The following SV2C variants were observed in gnomAD, a reference collection of about 807,000 sequenced individuals.
SV2C encodes the protein solute carrier family 22 member B3.
SV2C carries 49 observed loss-of-function variants against 79.7 expected under a neutral mutation model. The observed-to-expected ratio is 0.61, with a 90% CI of 0.49 to 0.78. The LOEUF (loss-of-function observed/expected upper bound fraction) is 0.78, where lower values mean the gene tolerates loss of function less well. Ranked by LOEUF, SV2C falls within the 30% of genes least tolerant of loss-of-function variation. SV2C has a pLI of 0.00. For synonymous variants in SV2C, 334 were observed against 333.2 expected (o/e 1.00, Z -0.03); for missense variants, 833 against 912.9 (o/e 0.91, Z 1.13).
chr5:75,939,242 TTC>T, the SV2C span, among the ~76,000 whole-genome samples: 1 of 152,132 alleles, frequency 6.6e-6, no homozygotes, highest in South Asian at 2.1e-4. Context: ...AGGTGTTTAT[TTC>T]TCATAGTTCT....
intron 2 of SV2C, among the ~76,000 whole-genome samples, chr5:76,182,187 T>A (rs1198188232): frequency 6.6e-6 from 1 of 152,220 alleles, no homozygotes; most frequent in African/African-American, 2.4e-5. Flanking sequence ...TTGCCTGCTC[T>A]GCCCTATCCT....
At chr5:76,090,116 A>G (rs1747326188) in intron 1 of SV2C, among the ~76,000 whole-genome samples, 1 of 152,194 alleles carries the variant, frequency 6.6e-6, no homozygotes, top group African/African-American at 2.4e-5. Context: ...TCAGCTATGC[A>G]GTTACAAAAG....
chr5:76,340,125 T>C lies in SV2C; in HGVS notation c.2001-13005T>C, dbSNP rs184634228. ...CAGAAAGACACTCCCTCCAGCGCCA[T>C]GACAGTTTACAAATGCAATGGCAAT... On this transcript the variant is annotated intron_variant, in intron 12 of 12. Coordinates refer to the SV2C transcript ENST00000322285. 2.2e-4 allele frequency among the ~76,000 whole-genome samples: 33 copies of C among 152,320 alleles called. No homozygotes were observed. In the East Asian group the frequency reaches 2.5e-3, roughly 12 times the overall value.
chr5:76,284,584 C>A (rs13188781), intron 4 of SV2C, among the ~76,000 whole-genome samples: 14,620 of 152,206 alleles, frequency 0.096, 721 homozygotes, highest in Admixed American at 0.14. Context: ...CAGACCCTGA[C>A]AAGAGCTGTG....
chr5:76,179,073 GCT>G (rs1195645658), intron 2 of SV2C, among the ~76,000 whole-genome samples: 1 of 152,176 alleles, frequency 6.6e-6, no homozygotes, highest in Admixed American at 6.5e-5. Flanking sequence ...TAGGACTGAT[GCT>G]TATGAAATGC....
At chr5:75,901,498 G>C in the SV2C span, among the ~76,000 whole-genome samples, 2,627 of 152,258 alleles carry the variant, frequency 0.017, 60 homozygotes, top group African/African-American at 0.057. Context: ...TGCCCCTACT[G>C]GGGGGTGCCT....
chr5:76,254,268 A>G (rs1247396963), intron 4 of SV2C, among the ~76,000 whole-genome samples: 8 of 151,696 alleles, frequency 5.3e-5, no homozygotes. Context: ...AGAGAGAGAG[A>G]GAGAGATATT....
intron 1 of SV2C, among the ~76,000 whole-genome samples, chr5:76,126,294 C>A (rs41436450): frequency 0.039 from 5,884 of 152,190 alleles, 324 homozygotes; most frequent in African/African-American, 0.12. Flanking sequence ...GTGATTTTTG[C>A]ACTGCACCTT....
chr5:76,236,517 G>T (rs552322113), intron 4 of SV2C, among the ~76,000 whole-genome samples: 1 of 151,812 alleles, frequency 6.6e-6, no homozygotes, highest in Admixed American at 6.6e-5. Flanking sequence ...ATCCAAGATC[G>T]CATCACTGCA....
the SV2C span, among the ~76,000 whole-genome samples, chr5:75,917,718 A>C: frequency 3.3e-3 from 503 of 152,250 alleles, 1 homozygote; most frequent in African/African-American, 9.8e-3. Flanking sequence ...TAGGTACCCC[A>C]AAAAAATAGA....
chr5:76,123,318 T>C (rs973039624), intron 1 of SV2C, among the ~76,000 whole-genome samples: 2 of 152,194 alleles, frequency 1.3e-5, no homozygotes, highest in African/African-American at 2.4e-5. Context: ...ACTGGCACCA[T>C]TTCTTCTGAA....
chr5:76,141,665 A>C (rs1181518361), intron 2 of SV2C, among the ~76,000 whole-genome samples: 1 of 151,700 alleles, frequency 6.6e-6, no homozygotes, highest in Non-Finnish European at 1.5e-5. Context: ...CTCTACTAAA[A>C]ATACAAAAAT....
the SV2C span, among the ~76,000 whole-genome samples, chr5:76,048,021 A>C: frequency 1.3e-5 from 2 of 152,154 alleles, no homozygotes; most frequent in Non-Finnish European, 2.9e-5. Flanking sequence ...CAAAAGTGAT[A>C]ATTGAGGTAA....
chr5:75,878,953 G>A, the SV2C span, among the ~76,000 whole-genome samples: 66 of 152,342 alleles, frequency 4.3e-4, 1 homozygote, highest in African/African-American at 1.3e-3. Context: ...AATCACGGCA[G>A]AAGGTGAAGG....
At chr5:75,954,847 G>T in the SV2C span, among the ~76,000 whole-genome samples, 2 of 131,002 alleles carry the variant, frequency 1.5e-5, no homozygotes, top group Admixed American at 7.4e-5. Flanking sequence ...GGGATGTGAA[G>T]GACCTCTTCA....
intron 1 of SV2C, among the ~76,000 whole-genome samples, chr5:76,102,747 C>T (rs551232468): frequency 1.3e-5 from 2 of 152,258 alleles, no homozygotes; most frequent in African/African-American, 4.8e-5. Context: ...TATAAAGACT[C>T]GTTTGGCTTA....
At chr5:76,336,846 A>T (rs1307296731), downstream of SV2C, among the ~76,000 whole-genome samples, 2 of 152,246 alleles carry the variant, frequency 1.3e-5, no homozygotes, top group Non-Finnish European at 2.9e-5. Context: ...CCCCTAGTGT[A>T]TCAGGGATGA....
At chr5:76,204,870 A>C (rs929332621) in intron 3 of SV2C, among the ~76,000 whole-genome samples, 31 of 152,316 alleles carry the variant, frequency 2.0e-4, no homozygotes, top group African/African-American at 7.2e-4. Context: ...TGGCTGTGAA[A>C]TTCACAGTCA....
At chr5:76,142,742 A>G (rs552970405) in intron 2 of SV2C, among the ~76,000 whole-genome samples, 1 of 152,276 alleles carries the variant, frequency 6.6e-6, no homozygotes, top group East Asian at 1.9e-4. Flanking sequence ...TTTCTTTTTT[A>G]AAAACATTAA....
Sources: allele counts gnomAD v4.1 joint callset (sites outside exome capture counted in the v4.1 genomes callset), GRCh38; gene constraint gnomAD v4.1.1; transcripts MANE v1.5; gene names NCBI Gene and HGNC (gene_info 2026-07-23, HGNC 2026-07-21).